Variants in STK24 observed in about 807,000 individuals in gnomAD.
The protein encoded by STK24 is serine/threonine kinase 24.
STK24 carries 21 observed loss-of-function variants against 55.6 expected under a neutral mutation model. The observed-to-expected ratio is 0.38, with a 90% CI of 0.27 to 0.54. The LOEUF (loss-of-function observed/expected upper bound fraction) is 0.54, where lower values mean the gene tolerates loss of function less well. Ranked by LOEUF, STK24 falls within the 20% of genes least tolerant of loss-of-function variation. The pLI, the probability that STK24 is intolerant of heterozygous loss-of-function variation, is 0.79. For missense variants in STK24, 383 were observed against 538.4 expected, an observed-to-expected ratio of 0.71 and a Z score of 2.86; for synonymous variants, 200 against 215.2, an observed-to-expected ratio of 0.93 and a Z score of 0.62.
intron 2 of STK24, among the ~76,000 whole-genome samples, chr13:98,492,443 G>A (rs1395687053): frequency 2.6e-5 from 4 of 152,226 alleles, no homozygotes; most frequent in Admixed American, 6.5e-5. Context: ...AGTATGTGAT[G>A]TATGAGAGTC....
intron 1 of STK24, chr13:98,576,114 C>T: frequency 1.0e-6 from 1 of 985,164 alleles, no homozygotes; most frequent in Non-Finnish European, 1.2e-6. Context: ...GGGATTCCTC[C>T]TTCCAGAAGG....
At chr13:98,461,175 A>C (rs1194139822) in intron 8 of STK24, among the ~76,000 whole-genome samples, 1 of 152,142 alleles carries the variant, frequency 6.6e-6, no homozygotes, top group Non-Finnish European at 1.5e-5. Flanking sequence ...TACTTTTGCA[A>C]CCTCTATTTG....
intron 6 of STK24, among the ~76,000 whole-genome samples, chr13:98,465,456 A>G (rs540430393): frequency 6.6e-6 from 1 of 152,356 alleles, no homozygotes; most frequent in East Asian, 1.9e-4. Context: ...CTGGTGCATG[A>G]TGGCTGCAAG....
intron 2 of STK24, among the ~76,000 whole-genome samples, chr13:98,488,794 CCCA>C (rs919060979): frequency 6.6e-6 from 1 of 152,118 alleles, no homozygotes; most frequent in African/African-American, 2.4e-5. Context: ...GTCACACGAA[CCCA>C]CCAAGGTTAA....
Position 98,455,223 on chromosome 13 carries a change from G to A in STK24, c.1259+1945C>T, listed in dbSNP as rs79517105. Reference sequence around the variant, plus strand: ...ACTTCTTTTTGCTTTTTAAAAATATGGCTACTAGAAAATGTAAAATTCTCT... The same window carrying A: ...ACTTCTTTTTGCTTTTTAAAAATATAGCTACTAGAAAATGTAAAATTCTCT... On this transcript the variant is annotated intron_variant, in intron 10 of 10. Coordinates refer to ENST00000539966, the MANE Select transcript of STK24 (RefSeq NM_001032296.4). The A allele has an allele frequency of 1.1e-4, 17 of 152,294 alleles. No individual in the cohort carries two copies. The East Asian group carries it at 3.1e-3, about 28-fold the overall frequency. 9.4% of individuals were successfully genotyped at this position (152,294 alleles called of 1,614,324 possible).
At position 98,452,279 on chromosome 13, in the gene STK24, C is replaced by T. The variant is rs1893237056; in HGVS notation, c.*894G>A. 1.3e-5 allele frequency: 2 copies of T among 152,306 alleles called. No homozygotes were observed. The highest frequency in any genetic ancestry group is 2.4e-5 in the African/African-American group (1 of 41,436). The allele number at this position is 152,306 out of a possible 1,614,324, so 9.4% of individuals were successfully genotyped here. ...GTATTGGAAAGGACGGTACATCTGG[C>T]GCAGACCAGCAGTGGCACGATTCCA... On this transcript the variant is annotated 3_prime_UTR_variant, in exon 11 of 11. Transcript: ENST00000539966.
chr13:98,477,393 C>A (rs1894417151), intron 3 of STK24, among the ~76,000 whole-genome samples: 1 of 152,130 alleles, frequency 6.6e-6, no homozygotes, highest in African/African-American at 2.4e-5. Context: ...TGTTAGAGGC[C>A]AGGCGCGGTG....
chr13:98,552,617 C>A (rs1897183709), intron 1 of STK24, among the ~76,000 whole-genome samples: 1 of 152,144 alleles, frequency 6.6e-6, no homozygotes, highest in Non-Finnish European at 1.5e-5. Context: ...CCATTAGAAT[C>A]TGACCTTGTG....
chr13:98,496,478 C>A (rs1225328385), intron 2 of STK24, among the ~76,000 whole-genome samples: 2 of 152,166 alleles, frequency 1.3e-5, no homozygotes, highest in East Asian at 3.9e-4. Context: ...GCTGTGGCTG[C>A]GCAACCAGAA....
At chr13:98,575,587 C>A (rs1248688848) in intron 1 of STK24, among the ~76,000 whole-genome samples, 2 of 152,090 alleles carry the variant, frequency 1.3e-5, no homozygotes, top group African/African-American at 2.4e-5. Flanking sequence ...CTGGAAGAGG[C>A]GAGCAGACCC....
Position 98,459,783 on chromosome 13 carries a change from T to C in STK24, c.1122+589A>G, listed in dbSNP as rs530401599. 2.2e-4 allele frequency among the ~76,000 whole-genome samples: 33 copies of C among 152,366 alleles called. 1 individual carries two copies. In the South Asian group the frequency reaches 2.5e-3, roughly 11 times the overall value. On this transcript the variant is annotated intron_variant, in intron 9 of 10. Transcript: ENST00000539966. ...AAGAAAAGAGGGGACTTCCAACTTA[T>C]TTTCAAATCCGCTACTAACCAGATG...
At chr13:98,556,724 G>A (rs770727418) in intron 1 of STK24, among the ~76,000 whole-genome samples, 16 of 152,106 alleles carry the variant, frequency 1.1e-4, no homozygotes, top group Non-Finnish European at 2.4e-4. Flanking sequence ...GCTTCTACCC[G>A]ATTTTTGCAG....
chr13:98,466,887 C>T (rs1470938650), intron 5 of STK24, among the ~76,000 whole-genome samples: 4 of 152,108 alleles, frequency 2.6e-5, no homozygotes, highest in Admixed American at 6.6e-5. Flanking sequence ...AGGAGGAGTC[C>T]GGAGTGGGTG....
chr13:98,547,163 C>T (rs1201852367), intron 1 of STK24, among the ~76,000 whole-genome samples: 3 of 152,186 alleles, frequency 2.0e-5, no homozygotes, highest in South Asian at 2.1e-4. Flanking sequence ...CCACCCGCCT[C>T]GGCCTCCCAA....
At position 98,451,186 on chromosome 13, in the gene STK24, T is replaced by C. The variant is rs1298789148; in HGVS notation, c.*1987A>G. On this transcript the variant is annotated 3_prime_UTR_variant, in exon 11 of 11. Transcript: ENST00000539966. Reference sequence around the variant, plus strand: ...GAACTCTGTAAATCAGAAAAGCTGCTGTCCGCCCTGGCTCACTTAAAAATC... The same window carrying C: ...GAACTCTGTAAATCAGAAAAGCTGCCGTCCGCCCTGGCTCACTTAAAAATC... 1.3e-5 allele frequency: 2 copies of C among 152,218 alleles called. No individual in the cohort carries two copies. Among genetic ancestry groups the C allele is most frequent in the African/African-American group, 4.8e-5 (2 of 41,438 alleles). The allele number at this position is 152,218 out of a possible 1,614,324, so 9.4% of individuals were successfully genotyped here.
Position 98,448,803 on chromosome 13 carries a change from C to CATTTT in STK24, c.*4365_*4369dup, listed in dbSNP as rs58896682. Reference sequence around the variant, plus strand: ...AGCAAATGAGATCATTTTCAGATTTCATTTTTTTTTTCAGTCTTTCTACTT... The same window carrying CATTTT: ...AGCAAATGAGATCATTTTCAGATTTCATTTTATTTTTTTTTTCAGTCTTTCTACTT... On this transcript the variant is annotated 3_prime_UTR_variant, in exon 11 of 11. Transcript: ENST00000539966. The CATTTT allele has an allele frequency of 0.29, 43,717 of 151,334 alleles. 7,543 individuals are homozygous for CATTTT. Among genetic ancestry groups the CATTTT allele is most frequent in the East Asian group, 0.41 (2,104 of 5,138 alleles). 9.4% of individuals were successfully genotyped at this position (151,334 alleles called of 1,614,324 possible). A position where few individuals can be genotyped will look rare whatever the true frequency, so the allele number is the denominator to read the frequency against.
chr13:98,563,406 G>A (rs371366916), intron 1 of STK24, among the ~76,000 whole-genome samples: 7 of 152,274 alleles, frequency 4.6e-5, no homozygotes, highest in African/African-American at 1.7e-4. Context: ...GCAGGGGAAG[G>A]CATTCTGAAT....
Position 98,478,380 on chromosome 13 carries a change from G to A in STK24, c.331-3022C>T, listed in dbSNP as rs368050796. On this transcript the variant is annotated intron_variant, in intron 3 of 10. Coordinates refer to ENST00000539966, the MANE Select transcript of STK24 (RefSeq NM_001032296.4). The stretch of plus-strand genomic sequence containing the variant: ...TTTCCCAGACTCTGAGCAGCAGCCT[G>A]TGGTCAGGTGACTAAGACCTCGCCA... Among the ~76,000 whole-genome samples, 18 of 152,374 alleles carry A rather than the reference G, an allele frequency of 1.2e-4. 2 individuals carry two copies. The highest frequency in any genetic ancestry group is 4.1e-4 in the African/African-American group (17 of 41,590).
chr13:98,503,583 A>G (rs1261796637), intron 2 of STK24, among the ~76,000 whole-genome samples: 2 of 152,224 alleles, frequency 1.3e-5, no homozygotes, highest in Non-Finnish European at 2.9e-5. Context: ...TTGGAAAGTC[A>G]GCACGCCAGT....
Sources: gnomAD v4.1 joint callset for allele counts (sites outside exome capture counted in the v4.1 genomes callset) on GRCh38, gnomAD v4.1.1 for gene constraint, MANE v1.5 for transcripts, NCBI Gene and HGNC (gene_info 2026-07-23, HGNC 2026-07-21) for gene names.